PIP4P2: variants seen among roughly 807,000 people sequenced by gnomAD.
PIP4P2 encodes the protein phosphatidylinositol-4,5-bisphosphate 4-phosphatase 2, also known as type 2 phosphatidylinositol 4,5-bisphosphate 4-phosphatase.
Under a neutral mutation model 33.3 loss-of-function variants are expected in PIP4P2, and 19 were observed. The ratio of observed to expected loss-of-function variants is 0.57; its 90% CI spans 0.40 to 0.84. The LOEUF (loss-of-function observed/expected upper bound fraction) is 0.84, where lower values mean the gene tolerates loss of function less well. Among genes scored for constraint, PIP4P2 ranks in the 40% least tolerant of loss-of-function variants. PIP4P2 has a pLI of 0.00. For missense variants in PIP4P2, 270 were observed against 324.7 expected (o/e 0.83, Z 1.29); for synonymous variants, 110 against 111.9 (o/e 0.98, Z 0.11).
At chr8:91,034,021 A>G (rs1252344751) in intron 1 of PIP4P2, among the ~76,000 whole-genome samples, 1 of 151,014 alleles carries the variant, frequency 6.6e-6, no homozygotes, top group Non-Finnish European at 1.5e-5. Context: ...TAAATCTTCC[A>G]AAGGCTGATC....
At chr8:91,017,476 G>A (rs1351644281) in intron 4 of PIP4P2, among the ~76,000 whole-genome samples, 1 of 151,878 alleles carries the variant, frequency 6.6e-6, no homozygotes, top group Non-Finnish European at 1.5e-5. Flanking sequence ...CAATAAAGTA[G>A]CTGAAAGAGT....
At chr8:91,010,114 C>T (rs370615487) in intron 4 of PIP4P2, among the ~76,000 whole-genome samples, 1 of 151,606 alleles carries the variant, frequency 6.6e-6, no homozygotes, top group East Asian at 1.9e-4. Context: ...AGTAAAAATT[C>T]TTGAGTTAAT....
intron 4 of PIP4P2, among the ~76,000 whole-genome samples, chr8:91,012,107 A>T (rs939993293): frequency 6.6e-6 from 1 of 151,908 alleles, no homozygotes; most frequent in Non-Finnish European, 1.5e-5. Flanking sequence ...GTCACAGGTC[A>T]TATTTTCTTT....
At chr8:91,014,361 T>C (rs963368746) in intron 4 of PIP4P2, among the ~76,000 whole-genome samples, 2 of 152,138 alleles carry the variant, frequency 1.3e-5, no homozygotes, top group Non-Finnish European at 2.9e-5. Context: ...CATCGACAGA[T>C]GAACGGATAA....
At chr8:91,003,921 G>A (rs904817270) in intron 5 of PIP4P2, among the ~76,000 whole-genome samples, 1 of 150,718 alleles carries the variant, frequency 6.6e-6, no homozygotes, top group Non-Finnish European at 1.5e-5. Flanking sequence ...TATTAGTCAG[G>A]GTTCTCCAGA....
At chr8:91,005,164 G>A (rs1359129762) in intron 5 of PIP4P2, among the ~76,000 whole-genome samples, 1 of 152,068 alleles carries the variant, frequency 6.6e-6, no homozygotes, top group East Asian at 1.9e-4. Flanking sequence ...TCTTCTGCCA[G>A]ACACATTTCT....
intron 1 of PIP4P2, among the ~76,000 whole-genome samples, chr8:91,029,929 T>C (rs920552209): frequency 2.6e-5 from 4 of 152,100 alleles, no homozygotes; most frequent in Non-Finnish European, 5.9e-5. Context: ...ATCGTGCCAC[T>C]GAACTCCAGC....
chr8:91,017,578 T>C (rs1255717742), intron 4 of PIP4P2, among the ~76,000 whole-genome samples: 1 of 152,124 alleles, frequency 6.6e-6, no homozygotes, highest in African/African-American at 2.4e-5. Flanking sequence ...TAAAGTTCTT[T>C]AATAAAAGTA....
intron 1 of PIP4P2, among the ~76,000 whole-genome samples, chr8:91,036,711 A>G (rs1812236406): frequency 6.6e-6 from 1 of 152,220 alleles, no homozygotes; most frequent in Admixed American, 6.5e-5. Flanking sequence ...AATAATAAAG[A>G]TTTAATCCAG....
chr8:91,037,059 C>G (rs917535424), intron 1 of PIP4P2, among the ~76,000 whole-genome samples: 7 of 152,196 alleles, frequency 4.6e-5, no homozygotes, highest in Non-Finnish European at 1.0e-4. Flanking sequence ...AAGATAAAAG[C>G]TGTAAAACCT....
At position 91,010,287 on chromosome 8, in the gene PIP4P2, A is replaced by C. The variant is rs543178360; in HGVS notation, c.487-1492T>G. On this transcript the variant is annotated intron_variant, in intron 4 of 6. Coordinates refer to ENST00000285419, the MANE Select transcript of PIP4P2 (RefSeq NM_018710.3). ...ATTTCAAATGTTATTTATAAATAAA[A>C]AATTTAAGTTTTTCATAGTTAAAAG... Among the ~76,000 whole-genome samples, 281 of 152,010 alleles carry C rather than the reference A, an allele frequency of 1.8e-3. 2 individuals carry two copies. The highest frequency in any genetic ancestry group is 6.2e-3 in the African/African-American group (258 of 41,528).
At chr8:91,032,255 T>G (rs980813974) in intron 1 of PIP4P2, among the ~76,000 whole-genome samples, 1 of 152,048 alleles carries the variant, frequency 6.6e-6, no homozygotes, top group South Asian at 2.1e-4. Context: ...GTTGTTGTGG[T>G]TTTTACAGAA....
chr8:91,008,214 C>A (rs999548376), intron 5 of PIP4P2, among the ~76,000 whole-genome samples: 1 of 152,030 alleles, frequency 6.6e-6, no homozygotes, highest in Non-Finnish European at 1.5e-5. Flanking sequence ...AAAATATCTT[C>A]TATTATTTTT....
At position 91,018,506 on chromosome 8, in the gene PIP4P2, T is replaced by C. The variant is rs748826712; in HGVS notation, c.370A>G (p.Ile124Val). The part of the protein sequence containing the change: ...IGCPRPNCRR[I>V]INLGPVMLIS... ...AGCATTACTGGGCCAAGGTTAATTA[T>C]CCGTCTACTGTGAAAAGAGAAAGGA... Residue 124 changes from isoleucine to valine, a missense_variant, in exon 4 of 7, where the codon ATA (isoleucine) becomes GTA (valine). Physicochemically the swap from Ile to Val is conservative, Grantham distance 29 (BLOSUM62 3). Transcript: ENST00000285419. 5 of 1,613,192 alleles carry C rather than the reference T, an allele frequency of 3.1e-6. No homozygotes were observed. The South Asian group carries it at 3.3e-5, about 11-fold the overall frequency.
Position 90,995,570 on chromosome 8 carries a change from C to T in PIP4P2, c.*107G>A, listed in dbSNP as rs1811617482. On this transcript the variant is annotated 3_prime_UTR_variant, in exon 7 of 7. Transcript: ENST00000285419. ...CTCCCAAAGTCTTGAAACGATTATA[C>T]ATAAACCAGAATGGAATCCATTAGG... is the stretch of plus-strand genomic sequence containing the variant. The T allele has an allele frequency of 1.5e-6, 2 of 1,377,534 alleles. No homozygotes were observed. The highest frequency in any genetic ancestry group is 9.6e-7 in the Non-Finnish European group (1 of 1,041,244). The allele number at this position is 1,377,534 out of a possible 1,614,324, so 85.3% of individuals were successfully genotyped here.
At chr8:91,014,877 T>C (rs568665747) in intron 4 of PIP4P2, among the ~76,000 whole-genome samples, 30 of 151,704 alleles carry the variant, frequency 2.0e-4, no homozygotes, top group African/African-American at 7.0e-4. Context: ...ATCAAAACAT[T>C]AGGCTGTACA....
Position 91,013,953 on chromosome 8 carries a change from T to C in PIP4P2, c.486+4437A>G, listed in dbSNP as rs1293502660. Among the ~76,000 whole-genome samples, 4 of 152,294 alleles carry C rather than the reference T, an allele frequency of 2.6e-5. No homozygotes were observed. In the East Asian group the frequency reaches 5.8e-4, roughly 22 times the overall value. On this transcript the variant is annotated intron_variant, in intron 4 of 6. Coordinates refer to ENST00000285419, the MANE Select transcript of PIP4P2 (RefSeq NM_018710.3). The stretch of plus-strand genomic sequence containing the variant: ...TAAATGTAACAAAGGAGACATATCC[T>C]ACTAAATCAGAAAAATCCTAGCAAT...
At chr8:91,037,638 A>G (rs1483422565) in intron 1 of PIP4P2, among the ~76,000 whole-genome samples, 1 of 152,198 alleles carries the variant, frequency 6.6e-6, no homozygotes. Context: ...TTTGGCTGGT[A>G]CTCAAATATT....
intron 5 of PIP4P2, 117 bp from the exon 6 acceptor site, chr8:90,996,861 T>C (rs1811635738): frequency 2.5e-6 from 2 of 792,954 alleles, no homozygotes; most frequent in African/African-American, 3.6e-5. Context: ...TATTCATTGC[T>C]TCAACTTTAC....
Sources: allele counts gnomAD v4.1 joint callset (sites outside exome capture counted in the v4.1 genomes callset), GRCh38; gene constraint gnomAD v4.1.1; transcripts MANE v1.5; gene names NCBI Gene and HGNC (gene_info 2026-07-23, HGNC 2026-07-21).